The following FBXO4 variants were observed in gnomAD, a reference collection of about 807,000 sequenced individuals.
The protein encoded by FBXO4 is F-box protein 4, also known as F-box only protein 4.
Under a neutral mutation model 43.7 loss-of-function variants are expected in FBXO4, and 36 were observed. The ratio of observed to expected loss-of-function variants is 0.82; its 90% CI spans 0.63 to 1.09. The LOEUF is 1.09. Among genes scored for constraint, FBXO4 ranks in the 50% least tolerant of loss-of-function variants. The pLI, the probability that FBXO4 is intolerant of heterozygous loss-of-function variation, is 0.00. For synonymous variants in FBXO4, 180 were observed against 165.6 expected, an observed-to-expected ratio of 1.09 and a Z score of -0.67; for missense variants, 435 against 474.1, an observed-to-expected ratio of 0.92 and a Z score of 0.77.
chr5:41,987,849 C>T, the FBXO4 span, among the ~76,000 whole-genome samples: 112 of 152,296 alleles, frequency 7.4e-4, 3 homozygotes, highest in Admixed American at 6.7e-3. Flanking sequence ...GGATTTCCAT[C>T]TCTCTCCATA....
intron 3 of FBXO4, among the ~76,000 whole-genome samples, chr5:41,930,821 A>AT (rs977491982): frequency 2.0e-5 from 3 of 151,868 alleles, no homozygotes; most frequent in Non-Finnish European, 4.4e-5. Context: ...CGCCTGGCTA[A>AT]TTTTTTTGGT....
At chr5:42,005,850 C>A in the FBXO4 span, among the ~76,000 whole-genome samples, 3 of 152,144 alleles carry the variant, frequency 2.0e-5, no homozygotes, top group East Asian at 5.8e-4. Context: ...ATCACCCAAG[C>A]AAACTTTTTA....
chr5:42,001,214 G>GTCATTCAT, the FBXO4 span, among the ~76,000 whole-genome samples: 39 of 136,142 alleles, frequency 2.9e-4, no homozygotes, highest in African/African-American at 1.1e-3. Flanking sequence ...TGAAAACATT[G>GTCATTCAT]TCATTCATTC....
At chr5:42,007,421 C>T in the FBXO4 span, among the ~76,000 whole-genome samples, 73 of 152,144 alleles carry the variant, frequency 4.8e-4, no homozygotes, top group African/African-American at 1.6e-3. Context: ...TCTTCTAAGA[C>T]GTGTAAATTT....
At chr5:41,931,441 A>G (rs1751684453) in intron 3 of FBXO4, among the ~76,000 whole-genome samples, 1 of 152,216 alleles carries the variant, frequency 6.6e-6, no homozygotes, top group Admixed American at 6.5e-5. Flanking sequence ...TAACAGTAAG[A>G]TCTGTATAGG....
the FBXO4 span, among the ~76,000 whole-genome samples, chr5:42,018,122 T>C: frequency 6.7e-6 from 1 of 149,588 alleles, no homozygotes; most frequent in Non-Finnish European, 1.5e-5. Context: ...ATAATTTCAT[T>C]ATTATTATAA....
the FBXO4 span, among the ~76,000 whole-genome samples, chr5:42,019,286 TTAA>T: frequency 3.9e-5 from 6 of 152,176 alleles, no homozygotes; most frequent in East Asian, 1.2e-3. Context: ...AAATAACTTA[TTAA>T]TAATTTTTAT....
intron 3 of FBXO4, among the ~76,000 whole-genome samples, 161 bp from the exon 4 acceptor site, chr5:41,933,779 TACATAC>T (rs1751763031): frequency 6.6e-6 from 1 of 152,200 alleles, no homozygotes; most frequent in Non-Finnish European, 1.5e-5. Context: ...GAATGAAAGT[TACATAC>T]GGTATCTTTT....
At chr5:41,994,538 A>C in the FBXO4 span, among the ~76,000 whole-genome samples, 3 of 152,144 alleles carry the variant, frequency 2.0e-5, no homozygotes, top group Admixed American at 1.3e-4. Context: ...GGCCATTTCT[A>C]GCCCTGCCGG....
At chr5:41,947,493 G>A in the FBXO4 span, among the ~76,000 whole-genome samples, 1 of 152,252 alleles carries the variant, frequency 6.6e-6, no homozygotes, top group South Asian at 2.1e-4. Flanking sequence ...CAGGACTCCA[G>A]AAGTGGAAGC....
At chr5:41,926,579 GAAA>G (rs1320198145) in intron 1 of FBXO4, among the ~76,000 whole-genome samples, 1 of 152,028 alleles carries the variant, frequency 6.6e-6, no homozygotes, top group Non-Finnish European at 1.5e-5. Flanking sequence ...TCTCAAAAAA[GAAA>G]AAGACAAATG....
chr5:41,984,044 A>G, the FBXO4 span, among the ~76,000 whole-genome samples: 2 of 152,076 alleles, frequency 1.3e-5, no homozygotes, highest in African/African-American at 2.4e-5. Flanking sequence ...GGACAGAGAT[A>G]GTGAATAAAA....
At chr5:41,999,480 C>CATATATATATACATATATATGTGT in the FBXO4 span, among the ~76,000 whole-genome samples, 7 of 114,942 alleles carry the variant, frequency 6.1e-5, no homozygotes, top group African/African-American at 1.9e-4. Flanking sequence ...TATATATACA[C>CATATATATATACATATATATGTGT]ATATATATAT....
the FBXO4 span, among the ~76,000 whole-genome samples, chr5:42,008,404 T>C: frequency 3.3e-5 from 5 of 152,102 alleles, no homozygotes; most frequent in Non-Finnish European, 5.9e-5. Flanking sequence ...CTCCTAAGGG[T>C]AAATTTGGGC....
At chr5:42,000,892 G>A in the FBXO4 span, among the ~76,000 whole-genome samples, 34 of 152,130 alleles carry the variant, frequency 2.2e-4, no homozygotes, top group Non-Finnish European at 3.2e-4. Flanking sequence ...CTGTAAATGT[G>A]TGTTCTTATT....
chr5:41,990,264 G>T, the FBXO4 span, among the ~76,000 whole-genome samples: 1 of 152,128 alleles, frequency 6.6e-6, no homozygotes, highest in South Asian at 2.1e-4. Context: ...AGAATCCCAA[G>T]GAAATTTAGA....
chr5:41,941,101 A>G, intron 6 of FBXO4, 91 bp from the exon 7 acceptor site: 3 of 944,052 alleles, frequency 3.2e-6, no homozygotes, highest in Non-Finnish European at 4.9e-6. Context: ...AAGTTCTGTT[A>G]TCTTTTTAGT....
chr5:41,944,576 T>TA (rs1446403526), downstream of FBXO4, among the ~76,000 whole-genome samples: 1 of 152,192 alleles, frequency 6.6e-6, no homozygotes, highest in Non-Finnish European at 1.5e-5. Context: ...ATAAGTCAGA[T>TA]AAAAAATGAG....
At chr5:41,970,418 GTA>G in the FBXO4 span, among the ~76,000 whole-genome samples, 4 of 151,760 alleles carry the variant, frequency 2.6e-5, no homozygotes, top group Non-Finnish European at 4.4e-5. Flanking sequence ...AAAAAGTTCT[GTA>G]TAACAGAAGA....
Sources: gnomAD v4.1 joint callset for allele counts (sites outside exome capture counted in the v4.1 genomes callset) on GRCh38, gnomAD v4.1.1 for gene constraint, MANE v1.5 for transcripts, NCBI Gene and HGNC (gene_info 2026-07-23, HGNC 2026-07-21) for gene names.